The following ARHGAP28 variants were observed in gnomAD, a reference collection of about 807,000 sequenced individuals.
ARHGAP28 encodes Rho GTPase activating protein 28, also known as rho GTPase-activating protein 28.
ARHGAP28 carries 56 observed loss-of-function variants against 90.7 expected under a neutral mutation model. That is an observed-to-expected ratio of 0.62 (90% CI 0.50 to 0.77). ARHGAP28 has a LOEUF of 0.77. ARHGAP28 is among the 30% of genes least tolerant of loss of function. The pLI, the probability that ARHGAP28 is intolerant of heterozygous loss-of-function variation, is 0.00. For missense variants in ARHGAP28, 869 were observed against 900.9 expected (o/e 0.96, Z 0.45); for synonymous variants, 308 against 323.3 (o/e 0.95, Z 0.51).
intron 3 of ARHGAP28, among the ~76,000 whole-genome samples, chr18:6,839,580 A>T (rs971900075): frequency 2.0e-5 from 3 of 152,178 alleles, no homozygotes; most frequent in South Asian, 2.1e-4. Context: ...TACAGGCGTG[A>T]GCCACTGCGC....
Position 6,843,618 on chromosome 18 carries a change from C to T in ARHGAP28, c.543+6204C>T, listed in dbSNP as rs952733363. Among the ~76,000 whole-genome samples the T allele has an allele frequency of 4.6e-5, 7 of 152,316 alleles. No individual in the cohort carries two copies. In the East Asian group the frequency reaches 1.4e-3, roughly 29 times the overall value. On this transcript the variant is annotated intron_variant, in intron 3 of 17. Coordinates refer to ENST00000383472, the MANE Select transcript of ARHGAP28 (RefSeq NM_001366230.1). The stretch of plus-strand genomic sequence containing the variant: ...ACGTTTAAAAAGACATCTCTTTTGA[C>T]ACTTGGAGTAATTTGCAGGGACAGG...
Position 6,851,083 on chromosome 18 carries a change from A to T in ARHGAP28, c.593A>T (p.Glu198Val). The T allele has an allele frequency of 6.2e-7, 1 of 1,614,152 alleles. No homozygotes were observed. The highest frequency in any genetic ancestry group is 8.5e-7 in the Non-Finnish European group (1 of 1,180,004). ...NHTNQLDGTK[E>V]ERELPRVIKT... is the part of the protein sequence containing the mutation. ...ACTAATCAGCTGGATGGCACCAAGG[A>T]AGAAAGAGAGCTTCCAAGAGTTATC... is the stretch of plus-strand genomic sequence containing the variant. Residue 198 changes from glutamate to valine, a missense_variant, in exon 4 of 18, where the codon GAA (glutamate) becomes GTA (valine). Coordinates refer to ENST00000383472, the MANE Select transcript of ARHGAP28 (RefSeq NM_001366230.1).
At chr18:6,823,678 TTTCTAGTA>T (rs1271674020) in intron 1 of ARHGAP28, among the ~76,000 whole-genome samples, 2 of 152,112 alleles carry the variant, frequency 1.3e-5, no homozygotes, top group Non-Finnish European at 1.5e-5. Context: ...TGTAACATAT[TTTCTAGTA>T]TTACCTACAA....
At chr18:6,850,127 CT>C (rs1340049186) in intron 3 of ARHGAP28, among the ~76,000 whole-genome samples, 2 of 152,156 alleles carry the variant, frequency 1.3e-5, no homozygotes, top group African/African-American at 4.8e-5. Flanking sequence ...AACAATCATA[CT>C]GTTAATTCAC....
chr18:6,842,632 C>T (rs1382617158), intron 3 of ARHGAP28, among the ~76,000 whole-genome samples: 1 of 151,984 alleles, frequency 6.6e-6, no homozygotes, highest in Non-Finnish European at 1.5e-5. Flanking sequence ...GACTTTGATC[C>T]TTGGGTGTTG....
intron 9 of ARHGAP28, 121 bp downstream of exon 9, chr18:6,873,896 A>G: frequency 1.2e-6 from 1 of 844,312 alleles, no homozygotes; most frequent in Non-Finnish European, 1.9e-6. Context: ...ATTAGGACTC[A>G]GGCCCCTGGT....
rs534044840 is a variant in ARHGAP28 at position 6,828,604 on chromosome 18, G to A, written c.325+3640G>A. Among the ~76,000 whole-genome samples, 12 of 152,288 alleles carry A rather than the reference G, an allele frequency of 7.9e-5. No homozygotes were observed. The South Asian group carries it at 2.5e-3, about 32-fold the overall frequency. The stretch of plus-strand genomic sequence containing the variant: ...CATCTTGAGTTAATTTTTGTATGTG[G>A]TGAAAGGTAAGGGTCTAGTTTCATT... On this transcript the variant is annotated intron_variant, in intron 2 of 17. Coordinates refer to ENST00000383472, the MANE Select transcript of ARHGAP28 (RefSeq NM_001366230.1).
In ARHGAP28 at chr18:6,870,636, G is replaced by C; in HGVS notation, c.858G>C (p.Leu286=). 3 of 1,612,920 alleles carry C rather than the reference G, an allele frequency of 1.9e-6. No homozygotes were observed. The highest frequency in any genetic ancestry group is 2.5e-6 in the Non-Finnish European group (3 of 1,179,336). ...ACATTCCACCAGAGGCTGAAGAGCT[G>C]TCATTTGAAGTGTCTTATTCAGAAA... The part of the protein sequence containing the change: ...EKNIPPEAEE[L]SFEVSYSEMV... Residue 286 remains leucine, a synonymous_variant, in exon 7 of 18, where the codon CTG becomes CTC. Coordinates refer to ENST00000383472, the MANE Select transcript of ARHGAP28 (RefSeq NM_001366230.1).
chr18:6,871,969 T>C (rs1271812), intron 7 of ARHGAP28, among the ~76,000 whole-genome samples: 85,303 of 152,040 alleles, frequency 0.56, 24,649 homozygotes, highest in African/African-American at 0.67. Context: ...GTCCAAAGTC[T>C]GCAGCTAGTG....
chr18:6,791,844 T>TTTG (rs2056408808), intron 1 of ARHGAP28, among the ~76,000 whole-genome samples: 1 of 152,094 alleles, frequency 6.6e-6, no homozygotes, highest in Non-Finnish European at 1.5e-5. Flanking sequence ...TGTGGGTTTT[T>TTTG]TTTGTTTGTT....
At chr18:6,899,984 T>C (rs1385158415) in intron 16 of ARHGAP28, among the ~76,000 whole-genome samples, 2 of 152,086 alleles carry the variant, frequency 1.3e-5, no homozygotes, top group Non-Finnish European at 2.9e-5. Context: ...AGTGAGGAGC[T>C]GAGCTTCACC....
In ARHGAP28 at chr18:6,882,219, T is replaced by C; in HGVS notation, c.1373T>C (p.Met458Thr). ...ATGTGCCATAGAGAAGCTGCAGTAA[T>C]GTTGAAAGCGTTTTTCAGAGAACTA... ...DKMCHREAAVMLKAFFRELPT... is the reference protein window; with the variant it reads ...DKMCHREAAVTLKAFFRELPT... Residue 458 changes from methionine (M) to threonine (T), a missense_variant, in exon 11 of 18, where the codon ATG becomes ACG. Physicochemically the swap from Met to Thr is moderately conservative, Grantham distance 81 (BLOSUM62 -1). Transcript: ENST00000383472. 1 of 1,614,080 alleles carries C rather than the reference T, an allele frequency of 6.2e-7. No individual in the cohort carries two copies. The highest frequency in any genetic ancestry group is 1.1e-5 in the South Asian group (1 of 91,070).
At chr18:6,814,162 T>C (rs551859519) in intron 1 of ARHGAP28, among the ~76,000 whole-genome samples, 1 of 152,258 alleles carries the variant, frequency 6.6e-6, no homozygotes, top group South Asian at 2.1e-4. Flanking sequence ...AACTCACCCC[T>C]CATAGAATTT....
intron 14 of ARHGAP28, among the ~76,000 whole-genome samples, chr18:6,893,376 CA>C (rs773531509): frequency 9.9e-5 from 15 of 152,170 alleles, no homozygotes; most frequent in Non-Finnish European, 2.2e-4. Flanking sequence ...AAAAATGACA[CA>C]CAGCTCTTCC....
chr18:6,820,530 T>C (rs983311059), intron 1 of ARHGAP28, among the ~76,000 whole-genome samples: 3 of 152,172 alleles, frequency 2.0e-5, no homozygotes, highest in African/African-American at 7.2e-5. Flanking sequence ...TATTCCAAAA[T>C]TGATGAAAGA....
chr18:6,765,792 A>G (rs1337813412), intron 1 of ARHGAP28, among the ~76,000 whole-genome samples: 1 of 152,140 alleles, frequency 6.6e-6, no homozygotes, highest in Non-Finnish European at 1.5e-5. Flanking sequence ...GCTGCATCCC[A>G]TATATATTGG....
At chr18:6,757,662 T>C (rs2056122811) in intron 1 of ARHGAP28, among the ~76,000 whole-genome samples, 1 of 152,176 alleles carries the variant, frequency 6.6e-6, no homozygotes, top group African/African-American at 2.4e-5. Context: ...AATTTTGTTA[T>C]CTCTTTCTCC....
chr18:6,750,142 C>T (rs983575310), intron 1 of ARHGAP28, among the ~76,000 whole-genome samples: 10 of 152,128 alleles, frequency 6.6e-5, no homozygotes, highest in Non-Finnish European at 1.2e-4. Context: ...CTGAGTGCTT[C>T]CTATAAAGCA....
chr18:6,879,669 G>A lies in ARHGAP28; in HGVS notation c.1291-2468G>A, dbSNP rs1027247003. Among the ~76,000 whole-genome samples the A allele has an allele frequency of 3.3e-5, 5 of 152,340 alleles. No homozygotes were observed. The East Asian group carries it at 9.7e-4, about 29-fold the overall frequency. On this transcript the variant is annotated intron_variant, in intron 10 of 17. Transcript: ENST00000383472. ...CCCTAAACAGTCACGCCGCATACGC[G>A]TGGGATTCCCATAGTAATGACACTG...
Sources: gnomAD v4.1 joint callset for allele counts (sites outside exome capture counted in the v4.1 genomes callset) on GRCh38, gnomAD v4.1.1 for gene constraint, MANE v1.5 for transcripts, NCBI Gene and HGNC (gene_info 2026-07-23, HGNC 2026-07-21) for gene names.